Variants in MAGI2 observed in about 807,000 individuals in gnomAD.
The protein encoded by MAGI2 is membrane associated guanylate kinase, WW and PDZ domain containing 2.
In MAGI2, 35 loss-of-function variants were observed where a neutral mutation model predicts 133.3. The ratio of observed to expected loss-of-function variants is 0.26; its 90% CI spans 0.20 to 0.35. The LOEUF is 0.35. Among genes scored for constraint, MAGI2 ranks in the 10% least tolerant of loss-of-function variants. The pLI is 1.00. For missense variants in MAGI2, 1,636 were observed against 1,863.4 expected (o/e 0.88, Z 2.25); for synonymous variants, 729 against 710.6 (o/e 1.03, Z -0.41).
At chr7:79,416,744 T>TTTTTTTTTTTTTTTG in intron 1 of MAGI2, among the ~76,000 whole-genome samples, 1 of 147,202 alleles carries the variant, frequency 6.8e-6, no homozygotes, top group East Asian at 2.0e-4. Context: ...TTTTTTTTTT[T>TTTTTTTTTTTTTTTG]GAGGTGGAGT....
chr7:78,629,967 C>G (rs1808782049), intron 2 of MAGI2, among the ~76,000 whole-genome samples: 1 of 151,836 alleles, frequency 6.6e-6, no homozygotes, highest in African/African-American at 2.4e-5. Flanking sequence ...TATTTTAAAT[C>G]AAATAATTTA....
At chr7:79,090,554 G>A (rs1478759505) in intron 1 of MAGI2, among the ~76,000 whole-genome samples, 1 of 152,076 alleles carries the variant, frequency 6.6e-6, no homozygotes, top group Admixed American at 6.6e-5. Flanking sequence ...ATGAGACAAG[G>A]AAATCTGAAT....
chr7:79,072,476 T>C (rs1815076311), intron 1 of MAGI2, among the ~76,000 whole-genome samples: 1 of 152,210 alleles, frequency 6.6e-6, no homozygotes, highest in African/African-American at 2.4e-5. Flanking sequence ...TGTAATATTG[T>C]CTTCTTAAAA....
intron 2 of MAGI2, among the ~76,000 whole-genome samples, chr7:78,857,778 A>G (rs1793788453): frequency 6.6e-6 from 1 of 152,198 alleles, no homozygotes; most frequent in African/African-American, 2.4e-5. Context: ...AAAATGAGTT[A>G]GGGAGGATTC....
chr7:79,150,442 A>G (rs1288187061), intron 1 of MAGI2, among the ~76,000 whole-genome samples: 1 of 152,166 alleles, frequency 6.6e-6, no homozygotes, highest in Non-Finnish European at 1.5e-5. Flanking sequence ...ATAAAGTTAA[A>G]ATATTTTTCT....
At chr7:79,131,720 T>G (rs995524762) in intron 1 of MAGI2, among the ~76,000 whole-genome samples, 10 of 152,190 alleles carry the variant, frequency 6.6e-5, no homozygotes, top group African/African-American at 2.4e-4. Context: ...ATTACAATAG[T>G]ATTGTAGCAT....
chr7:79,299,251 C>T (rs922618032), intron 1 of MAGI2, among the ~76,000 whole-genome samples: 6 of 151,574 alleles, frequency 4.0e-5, no homozygotes, highest in African/African-American at 1.5e-4. Flanking sequence ...AGAAATTTTC[C>T]GGGCAGAGAA....
intron 2 of MAGI2, among the ~76,000 whole-genome samples, chr7:78,717,552 G>T (rs923823692): frequency 1.1e-4 from 16 of 152,230 alleles, no homozygotes; most frequent in African/African-American, 3.1e-4. Context: ...AGGCTAGAGG[G>T]TGAAAATATC....
intron 2 of MAGI2, among the ~76,000 whole-genome samples, chr7:78,692,676 A>G (rs1446672232): frequency 1.3e-5 from 2 of 152,194 alleles, no homozygotes. Context: ...GTATTTAAGT[A>G]TCACATTGTG....
chr7:78,390,899 A>C (rs1346616289), intron 6 of MAGI2, among the ~76,000 whole-genome samples: 1 of 152,164 alleles, frequency 6.6e-6, no homozygotes, highest in African/African-American at 2.4e-5. Flanking sequence ...GATCCTCAAG[A>C]CAACTCAGTG....
At chr7:78,999,562 C>T (rs1469968819) in intron 2 of MAGI2, among the ~76,000 whole-genome samples, 1 of 152,114 alleles carries the variant, frequency 6.6e-6, no homozygotes, top group Non-Finnish European at 1.5e-5. Context: ...TGACATGAAA[C>T]TAGATCTTAA....
At chr7:79,049,989 C>A (rs558710425) in intron 1 of MAGI2, among the ~76,000 whole-genome samples, 3 of 152,208 alleles carry the variant, frequency 2.0e-5, no homozygotes, top group African/African-American at 7.2e-5. Flanking sequence ...CTGCTGTGTT[C>A]GCTGGCTGTT....
At chr7:78,905,162 C>T (rs1041490886) in intron 2 of MAGI2, among the ~76,000 whole-genome samples, 4 of 152,176 alleles carry the variant, frequency 2.6e-5, no homozygotes, top group Non-Finnish European at 5.9e-5. Context: ...CAGAATGTTT[C>T]CAGTTGAATA....
chr7:78,184,947 A>G (rs941944666), intron 13 of MAGI2, among the ~76,000 whole-genome samples: 9 of 152,216 alleles, frequency 5.9e-5, no homozygotes, highest in Admixed American at 3.9e-4. Flanking sequence ...TGTTAGCAAC[A>G]TTTCTAATCC....
At chr7:79,308,704 G>A (rs1838018041) in intron 1 of MAGI2, among the ~76,000 whole-genome samples, 1 of 152,070 alleles carries the variant, frequency 6.6e-6, no homozygotes, top group African/African-American at 2.4e-5. Context: ...AGTAAATAAG[G>A]ACAATTTGAA....
At chr7:78,840,577 G>T (rs1792047328) in intron 2 of MAGI2, among the ~76,000 whole-genome samples, 5 of 151,956 alleles carry the variant, frequency 3.3e-5, no homozygotes. Flanking sequence ...GTTTTCAGCT[G>T]CTATCTAGTT....
intron 7 of MAGI2, among the ~76,000 whole-genome samples, chr7:78,368,456 T>C (rs1793604011): frequency 1.3e-5 from 2 of 152,194 alleles, no homozygotes; most frequent in Admixed American, 1.3e-4. Flanking sequence ...AGGAACATTA[T>C]ACGATAGATA....
chr7:78,753,717 C>CAAA (rs560397759), intron 2 of MAGI2, among the ~76,000 whole-genome samples: 6,168 of 126,518 alleles, frequency 0.049, 189 homozygotes, highest in Non-Finnish European at 0.074. Flanking sequence ...ACTTAACTAG[C>CAAA]AAAAAAAAAA....
chr7:78,686,350 A>T (rs1344530522), intron 2 of MAGI2, among the ~76,000 whole-genome samples: 6 of 152,104 alleles, frequency 3.9e-5, no homozygotes, highest in African/African-American at 1.4e-4. Context: ...CCGTTCACGT[A>T]AGTGTGGACC....
Sources: gnomAD v4.1 joint callset for allele counts (sites outside exome capture counted in the v4.1 genomes callset) on GRCh38, gnomAD v4.1.1 for gene constraint, MANE v1.5 for transcripts, NCBI Gene and HGNC (gene_info 2026-07-23, HGNC 2026-07-21) for gene names.